Variants in PLAAT5 observed in about 807,000 individuals in gnomAD.
PLAAT5 encodes phospholipase A and acyltransferase 5, also known as Ca(2+)-independent N-acyltransferase.
Under a neutral mutation model 27.8 loss-of-function variants are expected in PLAAT5, and 27 were observed. The ratio of observed to expected loss-of-function variants is 0.97; its 90% CI spans 0.72 to 1.34. PLAAT5 has a LOEUF of 1.34. Ranked by LOEUF, PLAAT5 falls within the 40% of genes most tolerant of loss-of-function variation. The probability of loss-of-function intolerance (pLI) is 0.00; values close to 1 mark genes in which losing one functional copy is unlikely to be tolerated. For synonymous variants in PLAAT5, 125 were observed against 136.1 expected, an observed-to-expected ratio of 0.92 and a Z score of 0.57; for missense variants, 368 against 343.8, an observed-to-expected ratio of 1.07 and a Z score of -0.56.
rs2016497983 is a variant in PLAAT5, at chr11:63,488,881, T to A, written c.335A>T (p.Gln112Leu). The change falls in exon 3 of 6, where the codon CAA becomes CTA. Residue 112 changes from glutamine to leucine, a missense_variant. By Grantham distance (113) the Gln-to-Leu change is moderately radical. Transcript: ENST00000540857. ...TCTTGTTACACCTACCTCAGCTGCT[T>A]GCTTTATTAACTTGCCTTCATTCTC... is the stretch of plus-strand genomic sequence containing the variant. ...KPENEGKLIK[Q>L]AAEGKPRPRP... The A allele has an allele frequency of 1.9e-6, 3 of 1,611,514 alleles. No homozygotes were observed. Among genetic ancestry groups the A allele is most frequent in the Non-Finnish European group, 2.5e-6 (3 of 1,177,832 alleles).
At chr11:63,464,533 G>A (rs1254541824) in intron 5 of PLAAT5, among the ~76,000 whole-genome samples, 1 of 151,998 alleles carries the variant, frequency 6.6e-6, no homozygotes, top group Non-Finnish European at 1.5e-5. Context: ...GCGTGCACCT[G>A]GAGTCCCAGC....
chr11:63,466,401 G>A (rs925261117), intron 4 of PLAAT5, 29 bp from the exon 5 acceptor site: 1 of 1,608,574 alleles, frequency 6.2e-7, no homozygotes, highest in African/African-American at 1.3e-5. Flanking sequence ...CAAAGGTTGG[G>A]AAATACAAGG....
At chr11:63,483,550 T>C (rs537673062) in intron 3 of PLAAT5, among the ~76,000 whole-genome samples, 2 of 150,526 alleles carry the variant, frequency 1.3e-5, no homozygotes, top group Non-Finnish European at 3.0e-5. Context: ...TAAAAATTCT[T>C]TGAACTGAAC....
intron 3 of PLAAT5, among the ~76,000 whole-genome samples, chr11:63,483,832 T>C (rs1590625994): frequency 1.7e-5 from 2 of 118,294 alleles, no homozygotes; most frequent in East Asian, 2.4e-4. Flanking sequence ...TATATATATA[T>C]ATATATATAT....
chr11:63,477,506 C>T (rs955295922), intron 3 of PLAAT5, among the ~76,000 whole-genome samples: 1 of 152,018 alleles, frequency 6.6e-6, no homozygotes, highest in African/African-American at 2.4e-5. Flanking sequence ...GACAGAGTCT[C>T]GCCGTGTCGC....
intron 3 of PLAAT5, among the ~76,000 whole-genome samples, chr11:63,478,983 C>T (rs919755694): frequency 1.1e-4 from 17 of 152,242 alleles, no homozygotes; most frequent in African/African-American, 3.9e-4. Context: ...ATGGCAGCCA[C>T]ATATCCACTA....
chr11:63,481,519 C>T (rs889529325), intron 3 of PLAAT5, among the ~76,000 whole-genome samples: 5 of 152,168 alleles, frequency 3.3e-5, no homozygotes, highest in Non-Finnish European at 7.4e-5. Context: ...CAAAGCTCCC[C>T]GTACATCTGC....
At chr11:63,468,253 C>A in intron 4 of PLAAT5, 104 bp downstream of exon 4, 1 of 855,576 alleles carries the variant, frequency 1.2e-6, no homozygotes, top group South Asian at 1.6e-5. Context: ...CAAGGGGTCC[C>A]ATTGCTAAAG....
chr11:63,464,083 G>A (rs61335619), intron 5 of PLAAT5, among the ~76,000 whole-genome samples: 2,347 of 152,212 alleles, frequency 0.015, 49 homozygotes, highest in African/African-American at 0.054. Flanking sequence ...CTCACGGGAC[G>A]GGAGGTTTCT....
chr11:63,485,890 A>T (rs1177419243), intron 3 of PLAAT5, among the ~76,000 whole-genome samples: 1 of 152,218 alleles, frequency 6.6e-6, no homozygotes, highest in Non-Finnish European at 1.5e-5. Context: ...ACAAAGGACT[A>T]ATATCCAAAA....
chr11:63,466,989 AT>A (rs1307457243), intron 4 of PLAAT5, among the ~76,000 whole-genome samples: 3 of 152,216 alleles, frequency 2.0e-5, no homozygotes, highest in African/African-American at 7.2e-5. Flanking sequence ...AAGGTGCTAC[AT>A]TATCATATTC....
intron 3 of PLAAT5, among the ~76,000 whole-genome samples, chr11:63,485,928 A>G (rs900270981): frequency 6.6e-6 from 1 of 152,150 alleles, no homozygotes; most frequent in South Asian, 2.1e-4. Flanking sequence ...CAAATAAATC[A>G]GCAAGGAAAA....
intron 3 of PLAAT5, among the ~76,000 whole-genome samples, chr11:63,478,055 C>G (rs935993978): frequency 6.6e-6 from 1 of 152,162 alleles, no homozygotes; most frequent in Non-Finnish European, 1.5e-5. Flanking sequence ...TTTGGCAGGC[C>G]TGTTGGCCTA....
At chr11:63,468,220 T>C (rs1417428971) in intron 4 of PLAAT5, 137 bp downstream of exon 4, 1 of 678,320 alleles carries the variant, frequency 1.5e-6, no homozygotes, top group African/African-American at 1.8e-5. Context: ...TGTCACACAG[T>C]AAGCAAAGGT....
At chr11:63,470,699 A>G (rs2016000633) in intron 3 of PLAAT5, 1 of 152,392 alleles carries the variant, frequency 6.6e-6, no homozygotes, top group Admixed American at 6.5e-5. Context: ...CTTTTAATTA[A>G]TGTTCATGCC....
chr11:63,479,004 CA>C (rs2016219341), intron 3 of PLAAT5, among the ~76,000 whole-genome samples: 1 of 152,194 alleles, frequency 6.6e-6, no homozygotes, highest in African/African-American at 2.4e-5. Context: ...GAGGGCTCCC[CA>C]TACCAGGCTT....
chr11:63,473,607 T>TA (rs1219068301), intron 3 of PLAAT5, among the ~76,000 whole-genome samples: 2 of 152,178 alleles, frequency 1.3e-5, no homozygotes, highest in Non-Finnish European at 2.9e-5. Context: ...AATTTTTTTT[T>TA]ATCATGAATG....
rs139619374 is a variant in PLAAT5, at chr11:63,463,355, T to C, written c.*148A>G. ...TCTATGCTCGTATATATTGGATGTA[T>C]TTCTGGAAGGGTAATTGGATACATT... On this transcript the variant is annotated 3_prime_UTR_variant, in exon 6 of 6. Coordinates refer to ENST00000540857, the MANE Select transcript of PLAAT5 (RefSeq NM_001146729.2). 97 of 698,896 alleles carry C rather than the reference T, an allele frequency of 1.4e-4. No homozygotes were observed. The highest frequency in any genetic ancestry group is 2.1e-4 in the Non-Finnish European group (83 of 386,758). The allele number at this position is 698,896 out of a possible 1,614,324, so 43.3% of individuals were successfully genotyped here.
rs187122751 is a variant in PLAAT5, at chr11:63,488,945, G to C, written c.271C>G (p.Pro91Ala). Residue 91 changes from proline to alanine, a missense_variant, in exon 3 of 6, where the codon CCC becomes GCC. By Grantham distance (27) the Pro-to-Ala change is conservative (BLOSUM62 -1). Coordinates refer to ENST00000540857, the MANE Select transcript of PLAAT5 (RefSeq NM_001146729.2). ...GAACTCCAGTCTGCTTTCTGGCTGG[G>C]TGTGGTCTCCAAGCTAACTACAGCC... is the stretch of plus-strand genomic sequence containing the variant. ...EKAVVSLETT[P>A]SQKADWSSIP... is the part of the protein sequence containing the mutation. The C allele has an allele frequency of 2.5e-6, 4 of 1,613,290 alleles. No homozygotes were observed. Among genetic ancestry groups the C allele is most frequent in the Non-Finnish European group, 3.4e-6 (4 of 1,179,540 alleles).
Sources: gnomAD v4.1 joint callset for allele counts (sites outside exome capture counted in the v4.1 genomes callset) on GRCh38, gnomAD v4.1.1 for gene constraint, MANE v1.5 for transcripts, NCBI Gene and HGNC (gene_info 2026-07-23, HGNC 2026-07-21) for gene names.